HNRNPU: variants seen among roughly 807,000 people sequenced by gnomAD.
HNRNPU encodes HNRNPU antisense RNA 1.
HNRNPU carries 5 observed loss-of-function variants against 94.7 expected under a neutral mutation model. The observed-to-expected ratio is 0.05, with a 90% CI of 0.03 to 0.11. The LOEUF is 0.11. Among genes scored for constraint, HNRNPU ranks in the 10% least tolerant of loss-of-function variants. The pLI, the probability that HNRNPU is intolerant of heterozygous loss-of-function variation, is 1.00. For synonymous variants in HNRNPU, 434 were observed against 381.6 expected (o/e 1.14, Z -1.60); for missense variants, 710 against 1,049.2 (o/e 0.68, Z 4.47).
chr1:244,857,989 T>TAA, intron 7 of HNRNPU, 22 bp downstream of exon 7: 12 of 1,374,906 alleles, frequency 8.7e-6, no homozygotes, highest in South Asian at 2.6e-5. Flanking sequence ...ATGCCACAGT[T>TAA]AAAAAAAAAA....
At chr1:244,858,583 C>A in intron 6 of HNRNPU, 146 bp downstream of exon 6, 1 of 628,520 alleles carries the variant, frequency 1.6e-6, no homozygotes, top group Non-Finnish European at 2.8e-6. Flanking sequence ...CCCAATTCAA[C>A]TGCTGAATGA....
chr1:244,861,220 G>A (rs1317711206), intron 3 of HNRNPU: 1 of 152,098 alleles, frequency 6.6e-6, no homozygotes, highest in African/African-American at 2.4e-5. Flanking sequence ...ACTGATCAGA[G>A]AAAAATAAAT....
Position 244,851,251 on chromosome 1 carries a change from C to T in HNRNPU, c.*3199G>A, listed in dbSNP as rs1680541765. 6.6e-6 allele frequency: 1 copy of T among 152,128 alleles called. No individual in the cohort carries two copies. Among genetic ancestry groups the T allele is most frequent in the Non-Finnish European group, 1.5e-5 (1 of 68,028 alleles). 9.4% of individuals were successfully genotyped at this position (152,128 alleles called of 1,614,324 possible). A position where few individuals can be genotyped will look rare whatever the true frequency, so the allele number is the denominator to read the frequency against. On this transcript the variant is annotated 3_prime_UTR_variant, in exon 14 of 14. Coordinates refer to ENST00000640218, the MANE Select transcript of HNRNPU (RefSeq NM_031844.3). ...ATATGTTTATGCCTCTCTGTTTATT[C>T]TAGTTTTTTAAAAATCAAATATACA...
In HNRNPU at chr1:244,856,157, T is replaced by G. The variant is rs999758170; in HGVS notation, c.1914A>C (p.Gly638=). ...LPEHAVLKMK[G]NFTLPEVAEC... Reference sequence around the variant, plus strand: ...CAGCTACCTCTGGGAGGGTAAAGTTTCCTGCAGGAAACAAAGTCATATTAT... The same window carrying G: ...CAGCTACCTCTGGGAGGGTAAAGTTGCCTGCAGGAAACAAAGTCATATTAT... The change falls in exon 11 of 14, where the codon GGA becomes GGC. Residue 638 remains glycine (G), a splice_region_variant and synonymous_variant. Transcript: ENST00000640218. 1.2e-6 allele frequency: 2 copies of G among 1,602,214 alleles called. No individual in the cohort carries two copies. Among genetic ancestry groups the G allele is most frequent in the African/African-American group, 2.7e-5 (2 of 73,914 alleles).
chr1:244,856,930 T>C, intron 8 of HNRNPU, 74 bp from the exon 9 acceptor site: 2 of 1,206,164 alleles, frequency 1.7e-6, no homozygotes. Flanking sequence ...ATTCAACTCA[T>C]ATCTATATGT....
chr1:244,863,784 T>C lies in HNRNPU; in HGVS notation c.524A>G (p.Gln175Arg). 1 of 1,604,884 alleles carries C rather than the reference T, an allele frequency of 6.2e-7. No homozygotes were observed. Among genetic ancestry groups the C allele is most frequent in the Non-Finnish European group, 8.5e-7 (1 of 1,177,154 alleles). ...PPATQQQQPQ[Q>R]QRGAAKEAAG... ...GGCCTCCTTGGCGGCCCCGCGCTGC[T>C]GTTGGGGCTGTTGCTGCTGCGTCGC... Residue 175 changes from glutamine to arginine, a missense_variant, in exon 1 of 14, where the codon CAG (glutamine) becomes CGG (arginine). Gln to Arg is a conservative substitution (Grantham distance 43). Transcript: ENST00000640218.
At chr1:244,857,142 C>CA (rs1357293330) in intron 8 of HNRNPU, 4 of 290,104 alleles carry the variant, frequency 1.4e-5, no homozygotes, top group African/African-American at 8.8e-5. Flanking sequence ...AAAGAACCAA[C>CA]TTAATCTTGC....
In HNRNPU at chr1:244,851,670, G is replaced by A. The variant is rs184618218; in HGVS notation, c.*2780C>T. The A allele has an allele frequency of 1.5e-4, 23 of 152,242 alleles. No individual in the cohort carries two copies. Among genetic ancestry groups the A allele is most frequent in the Admixed American group, 5.9e-4 (9 of 15,296 alleles). The allele number at this position is 152,242 out of a possible 1,614,324, so 9.4% of individuals were successfully genotyped here. ...TAGGCAAATGAGAGCTTGTTTTTAT[G>A]TATTTAAGAGTTTCCTCTTGTCATT... On this transcript the variant is annotated 3_prime_UTR_variant, in exon 14 of 14. Transcript: ENST00000640218.
chr1:244,856,386 A>C, intron 10 of HNRNPU, 71 bp downstream of exon 10: 2 of 1,463,554 alleles, frequency 1.4e-6, no homozygotes, highest in South Asian at 1.3e-5. Flanking sequence ...TAGTTACACA[A>C]GCAGAATATG....
Position 244,863,699 on chromosome 1 carries a change from C to G in HNRNPU, c.609G>C (p.Ala203=), listed in dbSNP as rs1204338667. The change falls in exon 1 of 14, where the codon GCG becomes GCC. Residue 203 remains alanine, a synonymous_variant. Coordinates refer to ENST00000640218, the MANE Select transcript of HNRNPU (RefSeq NM_031844.3). ...CTCCCGCCTGCTGCTGGCCCTGCCT[C>G]GCCCCGGGCGGCGCCACCGTCACCG... ...LFAVTVAPPG[A]RQGQQQAGGK... is the part of the protein sequence containing the mutation. The G allele has an allele frequency of 6.4e-7, 1 of 1,565,072 alleles. No homozygotes were observed. The highest frequency in any genetic ancestry group is 1.4e-5 in the African/African-American group (1 of 71,932).
chr1:244,853,836 T>C lies in HNRNPU; in HGVS notation c.*614A>G, dbSNP rs1236951993. On this transcript the variant is annotated 3_prime_UTR_variant, in exon 14 of 14. Transcript: ENST00000640218. The stretch of plus-strand genomic sequence containing the variant: ...TACATACACTCCATCTTCTCTATCT[T>C]AGTTCCAAGTTTTAGTTTTCAATCC... 2.6e-5 allele frequency: 4 copies of C among 152,770 alleles called. No homozygotes were observed. The highest frequency in any genetic ancestry group is 9.7e-5 in the African/African-American group (4 of 41,438). The allele number at this position is 152,770 out of a possible 1,614,324, so 9.5% of individuals were successfully genotyped here.
At chr1:244,858,629 T>C in intron 6 of HNRNPU, 100 bp downstream of exon 6, 1 of 692,780 alleles carries the variant, frequency 1.4e-6, no homozygotes, top group Non-Finnish European at 2.6e-6. Context: ...GTGTATTTTG[T>C]TGCTCATATT....
At position 244,856,372 on chromosome 1, in the gene HNRNPU, A is replaced by G. The variant is rs546800795; in HGVS notation, c.1912+85T>C. The G allele has an allele frequency of 2.0e-5, 28 of 1,393,372 alleles. No homozygotes were observed. In the South Asian group the frequency reaches 3.5e-4, roughly 17 times the overall value. The allele number at this position is 1,393,372 out of a possible 1,614,324, so 86.3% of individuals were successfully genotyped here. ...AGGAGGCCTAAGTCCTAATAGATTT[A>G]ACATAGTTACACAAGCAGAATATGT... On this transcript the variant is annotated intron_variant, in intron 10 of 13. Coordinates refer to ENST00000640218, the MANE Select transcript of HNRNPU (RefSeq NM_031844.3).
intron 7 of HNRNPU, 73 bp from the exon 8 acceptor site, chr1:244,857,790 G>A: frequency 2.0e-6 from 3 of 1,528,188 alleles, no homozygotes; most frequent in East Asian, 2.2e-5. Context: ...TATTGTTAAG[G>A]CCAATTTAAA....
intron 4 of HNRNPU, 80 bp downstream of exon 4, chr1:244,860,255 C>G: frequency 7.9e-7 from 1 of 1,269,668 alleles, no homozygotes; most frequent in South Asian, 1.4e-5. Context: ...GAGCCTAGGT[C>G]GCACCACGGC....
At position 244,856,613 on chromosome 1, in the gene HNRNPU, C is replaced by G. The variant is rs1211358352; in HGVS notation, c.1756G>C (p.Ala586Pro). The G allele has an allele frequency of 3.1e-6, 5 of 1,613,584 alleles. No homozygotes were observed. The highest frequency in any genetic ancestry group is 2.5e-6 in the Non-Finnish European group (3 of 1,179,908). Residue 586 changes from alanine to proline, a missense_variant, in exon 10 of 14, where the codon GCT becomes CCT. Physicochemically the swap from Ala to Pro is conservative, Grantham distance 27. Around this residue, in one of 8 missense-constraint regions of HNRNPU, gnomAD observed 31 missense variants for 132.4 expected, o/e 0.23. Coordinates refer to ENST00000640218, the MANE Select transcript of HNRNPU (RefSeq NM_031844.3). ...NFILDQTNVSAAAQRRKMCLF... is the reference protein window; with the variant it reads ...NFILDQTNVSPAAQRRKMCLF... Reference sequence around the variant, plus strand: ...CACATTTTTCTCCTCTGGGCAGCAGCAGACACATTTGTCTTTAAAAAAAGA... The same window carrying G: ...CACATTTTTCTCCTCTGGGCAGCAGGAGACACATTTGTCTTTAAAAAAAGA...
rs1322060208 is a variant in HNRNPU, at chr1:244,858,170, G to T, written c.1335C>A (p.Phe445Leu). ...SKEVLAGRPL[F>L]PHVLCHNCAV... ...CACAGTTGTGGCAGAGAACATGCGG[G>T]AACAGTGGCCGTCCAGCAAGAACTT... The change falls in exon 7 of 14, where the codon TTC (phenylalanine) becomes TTA (leucine). Residue 445 changes from phenylalanine to leucine, a missense_variant. Phe to Leu is a conservative substitution (Grantham distance 22). Transcript: ENST00000640218. The T allele has an allele frequency of 6.2e-7, 1 of 1,614,140 alleles. No individual in the cohort carries two copies. Among genetic ancestry groups the T allele is most frequent in the East Asian group, 2.2e-5 (1 of 44,882 alleles).
chr1:244,862,551 T>G lies in HNRNPU; in HGVS notation c.804-17A>C. ...GATTTGGCTCTGAAAGACAGAATTGTCTCCTGATACAGCTTTCCGATCAAC... is the reference window on the plus strand; with the variant it reads ...GATTTGGCTCTGAAAGACAGAATTGGCTCCTGATACAGCTTTCCGATCAAC... On this transcript the variant is annotated splice_polypyrimidine_tract_variant and intron_variant, in intron 2 of 13. Coordinates refer to ENST00000640218, the MANE Select transcript of HNRNPU (RefSeq NM_031844.3). 4 of 1,612,638 alleles carry G rather than the reference T, an allele frequency of 2.5e-6. No homozygotes were observed. Among genetic ancestry groups the G allele is most frequent in the Non-Finnish European group, 3.4e-6 (4 of 1,178,630 alleles).
At chr1:244,858,296 AAC>A (rs1368137765) in intron 6 of HNRNPU, 22 bp from the exon 7 acceptor site, 4 of 1,602,510 alleles carry the variant, frequency 2.5e-6, no homozygotes, top group Admixed American at 1.7e-5. Context: ...AAAAAAATTC[AAC>A]AGTTAAAATC....
Sources: gnomAD v4.1 joint callset for allele counts on GRCh38, gnomAD v4.1.1 for gene constraint, gnomAD v4.1.1 regional missense constraint, MANE v1.5 for transcripts, NCBI Gene and HGNC (gene_info 2026-07-23, HGNC 2026-07-21) for gene names.